The following MCTP1 variants were observed in gnomAD, a reference collection of about 807,000 sequenced individuals.
MCTP1 encodes the protein multiple C2 and transmembrane domain containing 1, also known as multiple C2 and transmembrane domain-containing protein 1.
In MCTP1, 69 loss-of-function variants were observed where a neutral mutation model predicts 120.6. The ratio of observed to expected loss-of-function variants is 0.57; its 90% CI spans 0.47 to 0.70. The LOEUF is 0.70. Ranked by LOEUF, MCTP1 falls within the 30% of genes least tolerant of loss-of-function variation. The pLI is 0.00. For synonymous variants in MCTP1, 529 were observed against 493.1 expected (o/e 1.07, Z -0.96); for missense variants, 1,203 against 1,248.8 (o/e 0.96, Z 0.55).
chr5:94,828,860 C>T lies in MCTP1; in HGVS notation c.2437-29728G>A, dbSNP rs563956479. Among the ~76,000 whole-genome samples, 837 of 152,292 alleles carry T rather than the reference C, an allele frequency of 5.5e-3. 5 individuals carry two copies. Among genetic ancestry groups the T allele is most frequent in the Non-Finnish European group, 0.01 (687 of 68,018 alleles). ...TGTGCTGGCAGCAAGAATTTCAAGC[C>T]AGTGGATCTTAGCTTACTGGTCTCC... On this transcript the variant is annotated intron_variant, in intron 17 of 22. Transcript: ENST00000515393.
intron 5 of MCTP1, among the ~76,000 whole-genome samples, chr5:94,932,532 A>G (rs1172713620): frequency 6.6e-6 from 1 of 152,078 alleles, no homozygotes. Flanking sequence ...TAGTGAAAGC[A>G]TATCCTTTAA....
intron 1 of MCTP1, among the ~76,000 whole-genome samples, chr5:95,071,732 T>C (rs1326781271): frequency 1.3e-5 from 2 of 152,104 alleles, no homozygotes; most frequent in African/African-American, 4.8e-5. Flanking sequence ...AGATTGAAAG[T>C]TTCACTCTGT....
intron 1 of MCTP1, among the ~76,000 whole-genome samples, chr5:95,094,258 G>C (rs1354617782): frequency 1.3e-5 from 2 of 152,122 alleles, no homozygotes; most frequent in Non-Finnish European, 2.9e-5. Flanking sequence ...GAATTTTTTA[G>C]AAGATAAAAC....
At chr5:95,145,429 T>C (rs139573167) in intron 1 of MCTP1, among the ~76,000 whole-genome samples, 1 of 152,176 alleles carries the variant, frequency 6.6e-6, no homozygotes, top group South Asian at 2.1e-4. Context: ...TCCAATACTA[T>C]GTTGAATAGG....
At chr5:95,132,881 T>A (rs1759153757) in intron 1 of MCTP1, among the ~76,000 whole-genome samples, 1 of 152,216 alleles carries the variant, frequency 6.6e-6, no homozygotes, top group Non-Finnish European at 1.5e-5. Context: ...ATCATGGATG[T>A]TTTGATCACC....
intron 1 of MCTP1, among the ~76,000 whole-genome samples, chr5:95,124,755 A>G (rs1758499197): frequency 6.6e-6 from 1 of 152,222 alleles, no homozygotes; most frequent in African/African-American, 2.4e-5. Context: ...GGGTTTTGTC[A>G]TGGCTAAACC....
At chr5:95,027,661 G>A (rs1229316184) in intron 1 of MCTP1, among the ~76,000 whole-genome samples, 1 of 152,174 alleles carries the variant, frequency 6.6e-6, no homozygotes, top group Non-Finnish European at 1.5e-5. Context: ...ACAGGAGAGT[G>A]AAGATCTATG....
At chr5:95,096,403 C>T (rs1756268840) in intron 1 of MCTP1, among the ~76,000 whole-genome samples, 1 of 152,114 alleles carries the variant, frequency 6.6e-6, no homozygotes. Context: ...ATAACCAATA[C>T]AGCTTCAGTT....
chr5:94,810,995 C>T (rs1397934892), intron 17 of MCTP1, among the ~76,000 whole-genome samples: 1 of 152,144 alleles, frequency 6.6e-6, no homozygotes, highest in East Asian at 1.9e-4. Context: ...CATTTACTAG[C>T]TTCTGAAACT....
chr5:94,802,824 G>T (rs959906080), intron 17 of MCTP1, among the ~76,000 whole-genome samples: 2 of 152,194 alleles, frequency 1.3e-5, no homozygotes, highest in African/African-American at 4.8e-5. Flanking sequence ...CATTTGTCCA[G>T]ATCTGCATTT....
chr5:95,194,760 T>G (rs772622417), intron 1 of MCTP1, among the ~76,000 whole-genome samples: 30 of 152,106 alleles, frequency 2.0e-4, no homozygotes, highest in Non-Finnish European at 3.2e-4. Context: ...ATAGCTGGCT[T>G]CAAATGTGGG....
intron 1 of MCTP1, 93 bp downstream of exon 1, chr5:95,283,763 C>G (rs1436882710): frequency 1.9e-6 from 2 of 1,053,260 alleles, no homozygotes; most frequent in African/African-American, 3.3e-5. Context: ...TCCCGCCTCC[C>G]GGCCCCCGCC....
intron 6 of MCTP1, among the ~76,000 whole-genome samples, chr5:94,926,663 T>A (rs1813206391): frequency 6.6e-6 from 1 of 152,194 alleles, no homozygotes; most frequent in Admixed American, 6.5e-5. Flanking sequence ...TGTCTATCCA[T>A]CCATCCATTC....
intron 19 of MCTP1, among the ~76,000 whole-genome samples, chr5:94,744,460 G>A (rs1766397246): frequency 1.3e-5 from 2 of 152,108 alleles, no homozygotes; most frequent in Non-Finnish European, 2.9e-5. Flanking sequence ...CTGGCGTTAT[G>A]CAAACTTGGT....
At chr5:94,834,478 A>T (rs1221103878) in intron 17 of MCTP1, among the ~76,000 whole-genome samples, 1 of 152,208 alleles carries the variant, frequency 6.6e-6, no homozygotes, top group Non-Finnish European at 1.5e-5. Context: ...ACTGCGTTTT[A>T]TCACTGTAAA....
intron 19 of MCTP1, among the ~76,000 whole-genome samples, chr5:94,767,231 A>G (rs1772980804): frequency 1.3e-5 from 2 of 152,196 alleles, no homozygotes; most frequent in African/African-American, 4.8e-5. Context: ...TTTATTATAC[A>G]AACTCTCAAC....
At chr5:95,187,768 G>A (rs1749382774) in intron 1 of MCTP1, among the ~76,000 whole-genome samples, 1 of 152,042 alleles carries the variant, frequency 6.6e-6, no homozygotes, top group Admixed American at 6.6e-5. Flanking sequence ...TAGTTAATGG[G>A]TACAAAAAGA....
At chr5:95,200,876 T>A (rs777908247) in intron 1 of MCTP1, among the ~76,000 whole-genome samples, 1 of 152,334 alleles carries the variant, frequency 6.6e-6, no homozygotes, top group Non-Finnish European at 1.5e-5. Context: ...CCACAACTTA[T>A]ACATATTTCA....
chr5:95,223,262 A>G (rs1398729843), intron 1 of MCTP1, among the ~76,000 whole-genome samples: 2 of 151,974 alleles, frequency 1.3e-5, no homozygotes, highest in African/African-American at 4.8e-5. Flanking sequence ...GACCAGCCTG[A>G]GCAACATGGC....
Sources: gnomAD v4.1 joint callset for allele counts (sites outside exome capture counted in the v4.1 genomes callset) on GRCh38, gnomAD v4.1.1 for gene constraint, MANE v1.5 for transcripts, NCBI Gene and HGNC (gene_info 2026-07-23, HGNC 2026-07-21) for gene names.